DMRT1: variants seen among roughly 807,000 people sequenced by gnomAD.
The protein encoded by DMRT1 is doublesex- and mab-3-related transcription factor 1.
Under a neutral mutation model 32.3 loss-of-function variants are expected in DMRT1, and 7 were observed. That is an observed-to-expected ratio of 0.22 (90% CI 0.12 to 0.41). The LOEUF (loss-of-function observed/expected upper bound fraction) is 0.41, where lower values mean the gene tolerates loss of function less well. Among genes scored for constraint, DMRT1 ranks in the 10% least tolerant of loss-of-function variants. DMRT1 has a pLI of 1.00. For synonymous variants in DMRT1, 278 were observed against 206.1 expected (o/e 1.35, Z -2.99); for missense variants, 625 against 500.5 (o/e 1.25, Z -2.37).
chr9:864,489 A>T (rs1815873352), intron 2 of DMRT1, among the ~76,000 whole-genome samples: 1 of 122,460 alleles, frequency 8.2e-6, no homozygotes. Context: ...CACCATGCCC[A>T]GCCAGTACTC....
At chr9:954,959 T>TA (rs1474225161) in intron 4 of DMRT1, among the ~76,000 whole-genome samples, 1 of 152,194 alleles carries the variant, frequency 6.6e-6, no homozygotes, top group Admixed American at 6.5e-5. Flanking sequence ...CTATTTAAAA[T>TA]ACAGACATAG....
At chr9:939,381 A>G (rs898248563) in intron 4 of DMRT1, among the ~76,000 whole-genome samples, 4 of 152,150 alleles carry the variant, frequency 2.6e-5, no homozygotes, top group African/African-American at 9.7e-5. Flanking sequence ...TCATTCACCA[A>G]GTCTTCTTCT....
In DMRT1 at chr9:968,511, A is replaced by G. The variant is rs971047116; in HGVS notation, c.*372A>G. ...TTTAAAATGAAATCTTAGGTGCCTT[A>G]GGGGTTTTTTTTTTTTTTAAGTATT... On this transcript the variant is annotated 3_prime_UTR_variant, in exon 5 of 5. Transcript: ENST00000382276. 2 of 96,282 alleles carry G rather than the reference A, an allele frequency of 2.1e-5. No homozygotes were observed. The highest frequency in any genetic ancestry group is 1.2e-4 in the Admixed American group (1 of 8,240). 6.0% of individuals were successfully genotyped at this position (96,282 alleles called of 1,614,324 possible). A position where few individuals can be genotyped will look rare whatever the true frequency, so the allele number is the denominator to read the frequency against.
At chr9:857,710 T>C in intron 2 of DMRT1, among the ~76,000 whole-genome samples, 1 of 151,694 alleles carries the variant, frequency 6.6e-6, no homozygotes, top group Non-Finnish European at 1.5e-5. Context: ...TGTGCCATGT[T>C]GGTGTGCTGC....
chr9:929,415 A>G (rs1297904051), intron 4 of DMRT1, among the ~76,000 whole-genome samples: 2 of 152,082 alleles, frequency 1.3e-5, no homozygotes, highest in Non-Finnish European at 1.5e-5. Flanking sequence ...ATTTCTACAA[A>G]AACAGTACAA....
At chr9:859,499 G>A (rs983016937) in intron 2 of DMRT1, among the ~76,000 whole-genome samples, 6 of 152,126 alleles carry the variant, frequency 3.9e-5, no homozygotes, top group Admixed American at 1.3e-4. Flanking sequence ...TTTTGCGGTT[G>A]TCAAAAGCAG....
intron 4 of DMRT1, among the ~76,000 whole-genome samples, chr9:931,706 G>A (rs769044414): frequency 6.6e-6 from 1 of 152,066 alleles, no homozygotes; most frequent in East Asian, 1.9e-4. Flanking sequence ...GTGAGTTCTG[G>A]TCTCTCTTCT....
chr9:841,918 G>T lies in DMRT1; in HGVS notation c.80G>T (p.Arg27Ile), dbSNP rs1369370406. The stretch of plus-strand genomic sequence containing the variant: ...GCCCCCGGGGTACCGCCGCAGGGCA[G>T]AGCCGGGGGCTTTGGCAAAGCGTCT... Reference protein sequence around the residue: ...PHAPGVPPQGRAGGFGKASGA... With the variant: ...PHAPGVPPQGIAGGFGKASGA... The change falls in exon 1 of 5, where the codon AGA becomes ATA. Residue 27 changes from arginine (R) to isoleucine (I), a missense_variant. By Grantham distance (97) the Arg-to-Ile change is moderately conservative (BLOSUM62 -3). Around this residue, in one of 3 missense-constraint regions of DMRT1, gnomAD observed 201 missense variants for 152.0 expected, o/e 1.32. Transcript: ENST00000382276. The T allele has an allele frequency of 6.2e-7, 1 of 1,608,636 alleles. No homozygotes were observed. The highest frequency in any genetic ancestry group is 2.2e-5 in the East Asian group (1 of 44,736).
At chr9:875,964 G>T (rs1384138674) in intron 2 of DMRT1, among the ~76,000 whole-genome samples, 1 of 152,188 alleles carries the variant, frequency 6.6e-6, no homozygotes, top group African/African-American at 2.4e-5. Flanking sequence ...GATTGGCAGA[G>T]CTGTGTCACC....
At chr9:878,904 T>G (rs1283898387) in intron 2 of DMRT1, among the ~76,000 whole-genome samples, 2 of 152,208 alleles carry the variant, frequency 1.3e-5, no homozygotes, top group Non-Finnish European at 2.9e-5. Flanking sequence ...CATGATTGCA[T>G]GGCATTAGAT....
intron 2 of DMRT1, among the ~76,000 whole-genome samples, chr9:852,790 C>T (rs893603446): frequency 5.3e-5 from 8 of 152,196 alleles, no homozygotes; most frequent in Admixed American, 2.6e-4. Flanking sequence ...TTCTGTGGCT[C>T]GTGGCCCAGT....
intron 2 of DMRT1, among the ~76,000 whole-genome samples, chr9:891,857 T>C (rs1439286846): frequency 6.6e-6 from 1 of 152,170 alleles, no homozygotes; most frequent in South Asian, 2.1e-4. Context: ...TTATTTTTGA[T>C]GCCAAGCTAC....
intron 2 of DMRT1, among the ~76,000 whole-genome samples, chr9:865,493 A>G (rs1815940985): frequency 6.6e-6 from 1 of 152,132 alleles, no homozygotes. Flanking sequence ...ATTTATGAAA[A>G]ATACCTTTGT....
At chr9:914,325 A>G (rs1818095468) in intron 3 of DMRT1, among the ~76,000 whole-genome samples, 1 of 152,160 alleles carries the variant, frequency 6.6e-6, no homozygotes, top group African/African-American at 2.4e-5. Context: ...CTGTAATCCC[A>G]GCACTTTGGG....
chr9:875,170 C>T (rs1188466394), intron 2 of DMRT1, among the ~76,000 whole-genome samples: 1 of 152,038 alleles, frequency 6.6e-6, no homozygotes, highest in Non-Finnish European at 1.5e-5. Context: ...CTGATAATGG[C>T]CCTTCCCTCA....
At chr9:885,764 G>A (rs1816903651) in intron 2 of DMRT1, among the ~76,000 whole-genome samples, 1 of 152,158 alleles carries the variant, frequency 6.6e-6, no homozygotes, top group South Asian at 2.1e-4. Context: ...CTTCTGCAGT[G>A]GAGCCTTCGC....
intron 3 of DMRT1, among the ~76,000 whole-genome samples, chr9:898,960 T>C (rs2129655578): frequency 6.6e-6 from 1 of 152,330 alleles, no homozygotes; most frequent in East Asian, 1.9e-4. Context: ...CAGTGTTTTA[T>C]AGTTTTCAGT....
intron 2 of DMRT1, among the ~76,000 whole-genome samples, chr9:886,447 G>A (rs1179000149): frequency 6.6e-6 from 1 of 152,026 alleles, no homozygotes; most frequent in African/African-American, 2.4e-5. Flanking sequence ...TTTGAGATGG[G>A]GTTTTGCCAT....
intron 2 of DMRT1, among the ~76,000 whole-genome samples, chr9:863,149 C>CAAAAAAAAA (rs55759836): frequency 1.0e-5 from 1 of 98,294 alleles, no homozygotes; most frequent in Non-Finnish European, 1.9e-5. Flanking sequence ...CAGGTCTCTA[C>CAAAAAAAAA]AAAAAAAAAA....
Sources: gnomAD v4.1 joint callset for allele counts (sites outside exome capture counted in the v4.1 genomes callset) on GRCh38, gnomAD v4.1.1 for gene constraint, gnomAD v4.1.1 regional missense constraint, MANE v1.5 for transcripts, NCBI Gene and HGNC (gene_info 2026-07-23, HGNC 2026-07-21) for gene names.